CSMD1: variants seen among roughly 807,000 people sequenced by gnomAD.
The protein encoded by CSMD1 is CUB and Sushi multiple domains 1, also known as CUB and sushi domain-containing protein 1.
In CSMD1, 213 loss-of-function variants were observed where a neutral mutation model predicts 417.5. The observed-to-expected ratio is 0.51, with a 90% CI of 0.46 to 0.57. The LOEUF is 0.57. Among genes scored for constraint, CSMD1 ranks in the 20% least tolerant of loss-of-function variants. The pLI, the probability that CSMD1 is intolerant of heterozygous loss-of-function variation, is 0.00. For missense variants in CSMD1, 6,923 were observed against 4,529.7 expected (o/e 1.53, Z -15.17); for synonymous variants, 2,862 against 1,736.8 (o/e 1.65, Z -16.11).
chr8:4,471,519 C>T (rs1019520752), intron 2 of CSMD1, among the ~76,000 whole-genome samples: 2 of 152,036 alleles, frequency 1.3e-5, no homozygotes, highest in East Asian at 1.9e-4. Flanking sequence ...GGTCACAGGA[C>T]GGCACTTCTG....
chr8:3,038,357 G>T (rs1810833510), intron 50 of CSMD1, among the ~76,000 whole-genome samples: 1 of 152,142 alleles, frequency 6.6e-6, no homozygotes, highest in Admixed American at 6.5e-5. Flanking sequence ...CAACCCCTGG[G>T]AAGGATTTTG....
chr8:3,411,534 A>C (rs1812699669), intron 12 of CSMD1, among the ~76,000 whole-genome samples: 1 of 151,670 alleles, frequency 6.6e-6, no homozygotes, highest in African/African-American at 2.4e-5. Context: ...ATGAGTGAGA[A>C]CATATGATGT....
intron 1 of CSMD1, among the ~76,000 whole-genome samples, chr8:4,653,125 T>G (rs79930203): frequency 0.011 from 1,653 of 152,194 alleles, 39 homozygotes; most frequent in East Asian, 0.1. Flanking sequence ...CAGCCACAGA[T>G]TCAGCCCATT....
intron 5 of CSMD1, among the ~76,000 whole-genome samples, chr8:3,980,651 A>T (rs995967775): frequency 6.6e-6 from 1 of 152,182 alleles, no homozygotes; most frequent in South Asian, 2.1e-4. Context: ...TTCTGTATCA[A>T]ATGAAAATAT....
intron 3 of CSMD1, among the ~76,000 whole-genome samples, chr8:4,146,052 T>A (rs548467841): frequency 4.0e-5 from 6 of 150,730 alleles, no homozygotes; most frequent in Admixed American, 1.3e-4. Flanking sequence ...CTTAGCAACA[T>A]TGCAGACACT....
chr8:4,041,308 C>A (rs1226973217), intron 3 of CSMD1, among the ~76,000 whole-genome samples: 1 of 152,098 alleles, frequency 6.6e-6, no homozygotes, highest in Non-Finnish European at 1.5e-5. Context: ...TGAGCCACCG[C>A]GCCTGGCCGG....
intron 2 of CSMD1, among the ~76,000 whole-genome samples, chr8:4,445,064 A>G (rs564450038): frequency 3.3e-5 from 5 of 152,364 alleles, no homozygotes; most frequent in African/African-American, 1.2e-4. Flanking sequence ...ATGCACTCAT[A>G]CAAAACTACA....
intron 1 of CSMD1, among the ~76,000 whole-genome samples, chr8:4,831,149 G>T (rs1337891265): frequency 6.6e-6 from 1 of 152,136 alleles, no homozygotes; most frequent in Non-Finnish European, 1.5e-5. Flanking sequence ...TAAATCATCC[G>T]TTATTCAATG....
chr8:4,364,634 C>A (rs1465322519), intron 3 of CSMD1, among the ~76,000 whole-genome samples: 1 of 20,652 alleles, frequency 4.8e-5, no homozygotes, highest in Non-Finnish European at 8.0e-5. Flanking sequence ...ACCATCCCGG[C>A]TAAAACGGTG....
At chr8:3,603,653 A>G (rs562793395) in intron 8 of CSMD1, among the ~76,000 whole-genome samples, 1 of 152,348 alleles carries the variant, frequency 6.6e-6, no homozygotes, top group East Asian at 1.9e-4. Flanking sequence ...TTTTTTTCCA[A>G]CAAGAAACCA....
At chr8:3,827,451 T>C (rs184438544) in intron 5 of CSMD1, among the ~76,000 whole-genome samples, 4 of 152,346 alleles carry the variant, frequency 2.6e-5, no homozygotes, top group Admixed American at 2.6e-4. Context: ...AATATTTTAA[T>C]AGTGCAAAAC....
chr8:4,616,867 T>G (rs905668947), intron 2 of CSMD1, among the ~76,000 whole-genome samples: 1 of 152,194 alleles, frequency 6.6e-6, no homozygotes, highest in Admixed American at 6.5e-5. Context: ...CTGTTTAATT[T>G]TTAAAATTAT....
chr8:4,561,370 C>G (rs1798323190), intron 2 of CSMD1, among the ~76,000 whole-genome samples: 1 of 152,250 alleles, frequency 6.6e-6, no homozygotes, highest in East Asian at 1.9e-4. Context: ...GAGACTCCAT[C>G]TCAAAAACAA....
At chr8:4,770,077 T>C (rs1378059569) in intron 1 of CSMD1, among the ~76,000 whole-genome samples, 3 of 151,880 alleles carry the variant, frequency 2.0e-5, no homozygotes, top group African/African-American at 7.2e-5. Flanking sequence ...CACAAATGCA[T>C]GAAAAGATAC....
Position 3,151,511 on chromosome 8 carries a change from T to C in CSMD1, c.5917A>G (p.Thr1973Ala). 1 of 1,607,554 alleles carries C rather than the reference T, an allele frequency of 6.2e-7. No homozygotes were observed. The highest frequency in any genetic ancestry group is 8.5e-7 in the Non-Finnish European group (1 of 1,175,558). The change falls in exon 40 of 70, where the codon ACC becomes GCC. Residue 1973 changes from threonine (T) to alanine (A), a missense_variant and splice_region_variant. Transcript: ENST00000635120. ...AAGGTGCTCAGCGTCCCTCCACAGG[T>C]TGCTGTTAAGTGGACAAGATGTCAG... ...WNYPSPLCIATCGGTLSTLGG... is the reference protein window; with the variant it reads ...WNYPSPLCIAACGGTLSTLGG...
intron 1 of CSMD1, among the ~76,000 whole-genome samples, chr8:4,703,699 T>A (rs751579349): frequency 3.3e-5 from 5 of 152,086 alleles, no homozygotes; most frequent in Non-Finnish European, 7.4e-5. Context: ...CCTGCGACCT[T>A]GAATTAAAAG....
chr8:4,189,041 G>C (rs1482751629), intron 3 of CSMD1, among the ~76,000 whole-genome samples: 1 of 152,120 alleles, frequency 6.6e-6, no homozygotes, highest in African/African-American at 2.4e-5. Flanking sequence ...TGAAAGCCCA[G>C]GTTTTATTTG....
chr8:4,292,102 A>T (rs112569233), intron 3 of CSMD1, among the ~76,000 whole-genome samples: 1 of 152,214 alleles, frequency 6.6e-6, no homozygotes, highest in Admixed American at 6.5e-5. Flanking sequence ...AGGGAACAGG[A>T]ACAATGAAGA....
At chr8:3,934,632 T>G (rs1231311375) in intron 5 of CSMD1, among the ~76,000 whole-genome samples, 1 of 152,070 alleles carries the variant, frequency 6.6e-6, no homozygotes, top group African/African-American at 2.4e-5. Context: ...AGGAGGTAGA[T>G]CACCTCAGGT....
Sources: allele counts gnomAD v4.1 joint callset (sites outside exome capture counted in the v4.1 genomes callset), GRCh38; gene constraint gnomAD v4.1.1; transcripts MANE v1.5; gene names NCBI Gene and HGNC (gene_info 2026-07-23, HGNC 2026-07-21).